ELP4: variants seen among roughly 807,000 people sequenced by gnomAD.
ELP4 encodes elongator complex protein 4.
In ELP4, 51 loss-of-function variants were observed where a neutral mutation model predicts 48.9. The ratio of observed to expected loss-of-function variants is 1.04; its 90% CI spans 0.83 to 1.32. The LOEUF (loss-of-function observed/expected upper bound fraction) is 1.32. ELP4 is among the 40% of genes most tolerant of loss of function. The pLI is 0.00. For missense variants in ELP4, 519 were observed against 514.6 expected (o/e 1.01, Z -0.08); for synonymous variants, 210 against 189.2 (o/e 1.11, Z -0.90).
chr11:31,741,534 C>A (rs1218147449), intron 9 of ELP4, among the ~76,000 whole-genome samples: 1 of 152,144 alleles, frequency 6.6e-6, no homozygotes, highest in African/African-American at 2.4e-5. Context: ...GCCGGGTACT[C>A]CTCTGAGACA....
At chr11:31,520,187 C>A in intron 2 of ELP4, 96 bp downstream of exon 2, 2 of 1,020,552 alleles carry the variant, frequency 2.0e-6, no homozygotes, top group Non-Finnish European at 2.9e-6. Flanking sequence ...ATTTAAATCA[C>A]TAACACGACA....
intron 5 of ELP4, among the ~76,000 whole-genome samples, chr11:31,618,437 C>CAAAAGA (rs1944543174): frequency 6.6e-6 from 1 of 152,054 alleles, no homozygotes; most frequent in Non-Finnish European, 1.5e-5. Context: ...CCTCACATGG[C>CAAAAGA]AAAAGAATGG....
intron 2 of ELP4, among the ~76,000 whole-genome samples, chr11:31,531,263 CAA>C (rs1271425892): frequency 2.0e-5 from 3 of 152,142 alleles, no homozygotes; most frequent in Non-Finnish European, 4.4e-5. Flanking sequence ...ATTTATAAGA[CAA>C]GATCGATTTT....
At chr11:31,552,119 G>A (rs533177796) in intron 3 of ELP4, among the ~76,000 whole-genome samples, 250 of 152,052 alleles carry the variant, frequency 1.6e-3, no homozygotes, top group African/African-American at 4.6e-3. Flanking sequence ...CTTCTTCCCC[G>A]ATATACTTTC....
intron 2 of ELP4, among the ~76,000 whole-genome samples, chr11:31,533,365 A>ATTTTTTTTTTTTTTT (rs1592089795): frequency 1.5e-5 from 1 of 67,740 alleles, no homozygotes; most frequent in Non-Finnish European, 2.7e-5. Flanking sequence ...AAGCCATCTC[A>ATTTTTTTTTTTTTTT]TTCTTTTTTT....
At chr11:31,698,557 C>T (rs757747511) in intron 9 of ELP4, among the ~76,000 whole-genome samples, 1 of 151,992 alleles carries the variant, frequency 6.6e-6, no homozygotes. Flanking sequence ...GGATCACAGG[C>T]GTGGGCCACC....
chr11:31,668,843 G>A (rs2134102930), intron 9 of ELP4, among the ~76,000 whole-genome samples: 1 of 152,114 alleles, frequency 6.6e-6, no homozygotes, highest in South Asian at 2.1e-4. Flanking sequence ...GACTAATTAT[G>A]TGAGGGTGAG....
rs371572032 is a variant in ELP4, at chr11:31,776,152, C to CAAAA, written c.1144-7221_1144-7218dup. The stretch of plus-strand genomic sequence containing the variant: ...GGCAAAAGAGTGAGACCCTATCTCA[C>CAAAA]AAAAAAAAAAAAAAAAAAAAAAAGA... On this transcript the variant is annotated intron_variant, in intron 9 of 9. Transcript: ENST00000640961. 1.1e-3 allele frequency among the ~76,000 whole-genome samples: 55 copies of CAAAA among 51,362 alleles called. 3 individuals carry two copies. The highest frequency in any genetic ancestry group is 2.0e-3 in the African/African-American group (24 of 12,250). 33.7% of individuals were successfully genotyped at this position (51,362 alleles called of 152,430 possible).
chr11:31,679,426 C>T (rs1946009786), intron 9 of ELP4, among the ~76,000 whole-genome samples: 1 of 152,170 alleles, frequency 6.6e-6, no homozygotes, highest in South Asian at 2.1e-4. Context: ...GGTCAGAAGT[C>T]TAAAATCAAG....
chr11:31,686,154 A>G (rs1013958426), intron 9 of ELP4, among the ~76,000 whole-genome samples: 38 of 152,086 alleles, frequency 2.5e-4, no homozygotes, highest in African/African-American at 8.4e-4. Flanking sequence ...CATTTTATAT[A>G]TTAGTAATCT....
intron 7 of ELP4, chr11:31,645,772 T>G (rs568867304): frequency 6.6e-6 from 1 of 151,836 alleles, no homozygotes; most frequent in Admixed American, 6.6e-5. Context: ...AATGAAATGA[T>G]AAGAGCCTGC....
chr11:31,624,147 G>T (rs1275789770), intron 5 of ELP4, among the ~76,000 whole-genome samples: 1 of 151,724 alleles, frequency 6.6e-6, no homozygotes, highest in Non-Finnish European at 1.5e-5. Flanking sequence ...CAGTATAGAG[G>T]TTCCTTTAAA....
Position 31,783,740 on chromosome 11 carries a change from A to G in ELP4, c.*216A>G, listed in dbSNP as rs1017172584. On this transcript the variant is annotated 3_prime_UTR_variant, in exon 10 of 10. Transcript: ENST00000640961. ...TTTCCTTCATGCTCTAGAGAAAATA[A>G]TTTTATTTTTAAATAAACGCCAAAA... is the stretch of plus-strand genomic sequence containing the variant. 3 of 425,962 alleles carry G rather than the reference A, an allele frequency of 7.0e-6. No homozygotes were observed. The highest frequency in any genetic ancestry group is 8.0e-5 in the Admixed American group (2 of 24,856). The allele number at this position is 425,962 out of a possible 1,614,324, so 26.4% of individuals were successfully genotyped here.
intron 9 of ELP4, chr11:31,663,782 A>C (rs1014705006): frequency 1.3e-5 from 2 of 151,996 alleles, no homozygotes; most frequent in African/African-American, 4.8e-5. Context: ...GGTCCTGGTA[A>C]GATTATTTTT....
Position 31,790,177 on chromosome 11 carries a change from AAGT to A in ELP4, c.*6656_*6658del. ...AAATCACTTCAATTGTTACAAATAAAAGTAGCACCTTCAGAAACTAGACAATAT... is the reference window on the plus strand; with the variant it reads ...AAATCACTTCAATTGTTACAAATAAAAGCACCTTCAGAAACTAGACAATAT... On this transcript the variant is annotated 3_prime_UTR_variant, in exon 10 of 10. Transcript: ENST00000640961. The A allele has an allele frequency of 6.2e-6, 4 of 644,516 alleles. No homozygotes were observed. The highest frequency in any genetic ancestry group is 4.1e-5 in the South Asian group (2 of 48,298). 39.9% of individuals were successfully genotyped at this position (644,516 alleles called of 1,614,324 possible). A position where few individuals can be genotyped will look rare whatever the true frequency, so the allele number is the denominator to read the frequency against.
chr11:31,633,468 A>G (rs1436870763), intron 7 of ELP4: 3 of 152,164 alleles, frequency 2.0e-5, no homozygotes, highest in South Asian at 4.1e-4. Context: ...CTCCTTGGCC[A>G]GTAGAATTTA....
At position 31,530,289 on chromosome 11, in the gene ELP4, G is replaced by T. The variant is rs559925120; in HGVS notation, c.260-9373G>T. Among the ~76,000 whole-genome samples, 9 of 152,164 alleles carry T rather than the reference G, an allele frequency of 5.9e-5. No homozygotes were observed. In the South Asian group the frequency reaches 1.0e-3, roughly 17 times the overall value. ...TAAAAGATGAGAAAAGGAAGATTTG[G>T]CTTGCATAGCTGAAAGTAGTGACTA... On this transcript the variant is annotated intron_variant, in intron 2 of 9. Coordinates refer to ENST00000640961, the MANE Select transcript of ELP4 (RefSeq NM_019040.5).
At chr11:31,775,524 A>T (rs1948226563) in intron 9 of ELP4, among the ~76,000 whole-genome samples, 1 of 152,218 alleles carries the variant, frequency 6.6e-6, no homozygotes, top group East Asian at 1.9e-4. Flanking sequence ...GGTTATGAGT[A>T]CCCAGAGCAT....
chr11:31,777,338 A>G (rs1407187150), intron 9 of ELP4, among the ~76,000 whole-genome samples: 3 of 152,198 alleles, frequency 2.0e-5, no homozygotes, highest in East Asian at 1.9e-4. Flanking sequence ...GTGTTTATCC[A>G]TAGAGCAGGG....
Sources: gnomAD v4.1 joint callset for allele counts (sites outside exome capture counted in the v4.1 genomes callset) on GRCh38, gnomAD v4.1.1 for gene constraint, MANE v1.5 for transcripts, NCBI Gene and HGNC (gene_info 2026-07-23, HGNC 2026-07-21) for gene names.